The following TLN2 variants were observed in gnomAD, a reference collection of about 807,000 sequenced individuals.
TLN2 encodes talin-2.
TLN2 carries 118 observed loss-of-function variants against 294.7 expected under a neutral mutation model. That is an observed-to-expected ratio of 0.40 (90% confidence interval 0.34 to 0.47). The LOEUF (loss-of-function observed/expected upper bound fraction) is 0.47. TLN2 is among the 20% of genes least tolerant of loss of function. The pLI, the probability that TLN2 is intolerant of heterozygous loss-of-function variation, is 0.84. For missense variants in TLN2, 3,083 were observed against 3,282.2 expected (o/e 0.94, Z 1.48); for synonymous variants, 1,431 against 1,304.5 (o/e 1.10, Z -2.09).
intron 2 of TLN2, among the ~76,000 whole-genome samples, chr15:62,596,071 C>T (rs12440971): frequency 0.26 from 38,664 of 151,532 alleles, 5,206 homozygotes; most frequent in East Asian, 0.41. Flanking sequence ...GTCAGGAGAT[C>T]GAGACCATGG....
intron 52 of TLN2, among the ~76,000 whole-genome samples, chr15:62,812,815 G>A (rs1041640167): frequency 6.6e-6 from 1 of 152,202 alleles, no homozygotes; most frequent in African/African-American, 2.4e-5. Context: ...CGGGCGGGCA[G>A]ATGGCTGGCC....
chr15:62,689,104 T>C (rs998535514), intron 12 of TLN2, among the ~76,000 whole-genome samples: 2 of 150,908 alleles, frequency 1.3e-5, no homozygotes, highest in Non-Finnish European at 3.0e-5. Flanking sequence ...TGTGGGTTAC[T>C]TGGACACCTT....
intron 17 of TLN2, 112 bp downstream of exon 17, chr15:62,701,326 A>G (rs75087561): frequency 3.2e-6 from 3 of 939,174 alleles, no homozygotes; most frequent in African/African-American, 1.7e-5. Flanking sequence ...ACTTTATATT[A>G]TGAGAGGATA....
At chr15:62,803,727 T>C (rs977827752) in intron 50 of TLN2, among the ~76,000 whole-genome samples, 4 of 152,254 alleles carry the variant, frequency 2.6e-5, no homozygotes, top group African/African-American at 9.6e-5. Flanking sequence ...ATCTTGAATC[T>C]GAGTTTCCTC....
chr15:62,427,008 G>T (rs2034754594), intron 1 of TLN2, among the ~76,000 whole-genome samples: 1 of 152,172 alleles, frequency 6.6e-6, no homozygotes, highest in Non-Finnish European at 1.5e-5. Flanking sequence ...CTTTGCTCTG[G>T]TAAAGGTGAC....
chr15:62,634,224 G>A (rs780280731), intron 3 of TLN2, among the ~76,000 whole-genome samples: 1 of 152,194 alleles, frequency 6.6e-6, no homozygotes, highest in African/African-American at 2.4e-5. Context: ...GGTTGGTGCT[G>A]ACAGATGACA....
chr15:62,741,941 A>C (rs1156259749), intron 32 of TLN2, among the ~76,000 whole-genome samples: 1 of 150,616 alleles, frequency 6.6e-6, no homozygotes, highest in East Asian at 2.0e-4. Flanking sequence ...ATCATCCTTA[A>C]AGCTCTCCTT....
chr15:62,507,226 A>G (rs1384422752), intron 1 of TLN2, among the ~76,000 whole-genome samples: 1 of 152,192 alleles, frequency 6.6e-6, no homozygotes, highest in Non-Finnish European at 1.5e-5. Context: ...AGGTGTTGAA[A>G]TGTCTGTTTT....
At chr15:62,719,165 C>T (rs1212423106) in intron 24 of TLN2, among the ~76,000 whole-genome samples, 2 of 152,164 alleles carry the variant, frequency 1.3e-5, no homozygotes, top group Non-Finnish European at 2.9e-5. Flanking sequence ...TCTCCCAAGG[C>T]ACACTGTAGG....
intron 9 of TLN2, among the ~76,000 whole-genome samples, chr15:62,670,124 A>G (rs1317672962): frequency 6.6e-6 from 1 of 152,174 alleles, no homozygotes; most frequent in African/African-American, 2.4e-5. Flanking sequence ...GTATTCTTCT[A>G]GTGACAGCCA....
chr15:62,540,619 C>A (rs1304191337), intron 1 of TLN2, among the ~76,000 whole-genome samples: 2 of 151,992 alleles, frequency 1.3e-5, no homozygotes, highest in Non-Finnish European at 2.9e-5. Context: ...GAAGCCAGGA[C>A]CTGGACTTTG....
chr15:62,601,334 C>A (rs1226955040), intron 2 of TLN2, among the ~76,000 whole-genome samples: 1 of 152,154 alleles, frequency 6.6e-6, no homozygotes, highest in Non-Finnish European at 1.5e-5. Context: ...GGTTGAGAAA[C>A]CCCACTGTAG....
intron 1 of TLN2, among the ~76,000 whole-genome samples, chr15:62,548,295 G>A (rs2042106634): frequency 6.6e-6 from 1 of 152,166 alleles, no homozygotes; most frequent in South Asian, 2.1e-4. Context: ...GTTGGGGACA[G>A]TTATAGAGTC....
chr15:62,540,009 G>C (rs573432686), intron 1 of TLN2, among the ~76,000 whole-genome samples: 1 of 151,702 alleles, frequency 6.6e-6, no homozygotes, highest in Admixed American at 6.6e-5. Flanking sequence ...AAATTCAAAC[G>C]AACTCATCAC....
intron 7 of TLN2, 71 bp from the exon 8 acceptor site, chr15:62,655,873 C>G: frequency 6.4e-7 from 1 of 1,569,640 alleles, no homozygotes; most frequent in Non-Finnish European, 8.7e-7. Flanking sequence ...TCACACTGCT[C>G]TTTTGGTAAA....
At chr15:62,554,134 C>G (rs996664375) in intron 1 of TLN2, among the ~76,000 whole-genome samples, 1 of 151,790 alleles carries the variant, frequency 6.6e-6, no homozygotes, top group African/African-American at 2.4e-5. Flanking sequence ...TAAATTATTA[C>G]AACAGTTGTT....
intron 8 of TLN2, 107 bp from the exon 9 acceptor site, chr15:62,657,664 C>T (rs1304133568): frequency 6.8e-7 from 1 of 1,476,852 alleles, no homozygotes; most frequent in African/African-American, 1.4e-5. Context: ...TTGGCTGGCA[C>T]TGTCCCCTGC....
At chr15:62,835,611 C>T in intron 55 of TLN2, 126 bp from the exon 56 acceptor site, 1 of 983,636 alleles carries the variant, frequency 1.0e-6, no homozygotes, top group Non-Finnish European at 1.6e-6. Context: ...ATTCTCAGGC[C>T]TGTGCTGTTG....
At position 62,467,882 on chromosome 15, in the gene TLN2, C is replaced by T. The variant is rs139172530; in HGVS notation, c.-238+77197C>T. ...TGGCCAGATAATTTTATAATCCCTG[C>T]GGGGCCAGATCTCCAAAGTTCCTTC... On this transcript the variant is annotated intron_variant, in intron 1 of 58. Transcript: ENST00000636159. Among the ~76,000 whole-genome samples the T allele has an allele frequency of 3.0e-4, 45 of 152,214 alleles. 1 individual carries two copies. The East Asian group carries it at 5.8e-3, about 20-fold the overall frequency.
Sources: gnomAD v4.1 joint callset for allele counts (sites outside exome capture counted in the v4.1 genomes callset) on GRCh38, gnomAD v4.1.1 for gene constraint, MANE v1.5 for transcripts, NCBI Gene and HGNC (gene_info 2026-07-23, HGNC 2026-07-21) for gene names.